Variants in GPC5 observed in about 807,000 individuals in gnomAD.
GPC5 encodes the protein glypican 5.
In GPC5, 47 loss-of-function variants were observed where a neutral mutation model predicts 53.9. That is an observed-to-expected ratio of 0.87 (90% CI 0.69 to 1.11). The LOEUF (loss-of-function observed/expected upper bound fraction) is 1.11, where lower values mean the gene tolerates loss of function less well. Among genes scored for constraint, GPC5 ranks in the 50% most tolerant of loss-of-function variants. The pLI is 0.00. For synonymous variants in GPC5, 286 were observed against 263.3 expected (o/e 1.09, Z -0.84); for missense variants, 748 against 713.1 (o/e 1.05, Z -0.56).
intron 5 of GPC5, among the ~76,000 whole-genome samples, chr13:91,887,271 T>A (rs9589364): frequency 6.6e-6 from 1 of 152,104 alleles, no homozygotes; most frequent in East Asian, 1.9e-4. Flanking sequence ...AAGCCATGGG[T>A]GGAGCGGCTG....
At chr13:91,611,775 A>G (rs9523377) in intron 2 of GPC5, among the ~76,000 whole-genome samples, 74,549 of 152,038 alleles carry the variant, frequency 0.49, 21,974 homozygotes, top group Non-Finnish European at 0.64. Flanking sequence ...TTCCTTGGCA[A>G]TCCTGACACC....
At chr13:91,930,654 G>A (rs1204839720) in intron 6 of GPC5, among the ~76,000 whole-genome samples, 1 of 151,826 alleles carries the variant, frequency 6.6e-6, no homozygotes, top group Non-Finnish European at 1.5e-5. Context: ...GTGAAGGTCG[G>A]GACCATACAG....
chr13:92,204,874 TTTTG>T (rs2042321733), intron 7 of GPC5, among the ~76,000 whole-genome samples: 1 of 151,996 alleles, frequency 6.6e-6, no homozygotes, highest in Non-Finnish European at 1.5e-5. Flanking sequence ...GTTTTTTGGT[TTTTG>T]TTTGTTGTTT....
intron 2 of GPC5, among the ~76,000 whole-genome samples, chr13:91,518,065 A>G (rs1335543938): frequency 6.6e-6 from 1 of 152,248 alleles, no homozygotes; most frequent in Non-Finnish European, 1.5e-5. Context: ...GGATGTAATC[A>G]TTCACACTGT....
chr13:92,791,797 T>G (rs774435176), intron 7 of GPC5, among the ~76,000 whole-genome samples: 2 of 152,126 alleles, frequency 1.3e-5, no homozygotes. Context: ...TATAATTCAA[T>G]GATTTTTGGC....
At chr13:91,673,143 G>T (rs963185462) in intron 2 of GPC5, among the ~76,000 whole-genome samples, 1 of 152,000 alleles carries the variant, frequency 6.6e-6, no homozygotes, top group South Asian at 2.1e-4. Context: ...AACCAGCATG[G>T]CACGCATATA....
chr13:92,310,888 G>GT (rs971697981), intron 7 of GPC5, among the ~76,000 whole-genome samples: 2 of 152,114 alleles, frequency 1.3e-5, no homozygotes, highest in Admixed American at 1.3e-4. Context: ...TAATAAAAAT[G>GT]TTTTTGAAAG....
chr13:92,202,607 G>A (rs904733758), intron 7 of GPC5, among the ~76,000 whole-genome samples: 1 of 152,118 alleles, frequency 6.6e-6, no homozygotes, highest in African/African-American at 2.4e-5. Flanking sequence ...ATAAGAGACG[G>A]TAATCTTTCT....
chr13:91,882,222 T>G (rs146301410), intron 5 of GPC5, among the ~76,000 whole-genome samples: 2 of 152,292 alleles, frequency 1.3e-5, no homozygotes, highest in African/African-American at 4.8e-5. Flanking sequence ...TGTATGGTTT[T>G]TATTTTAAAA....
intron 2 of GPC5, among the ~76,000 whole-genome samples, chr13:91,458,458 T>G (rs1881707163): frequency 6.6e-6 from 1 of 152,124 alleles, no homozygotes; most frequent in Non-Finnish European, 1.5e-5. Flanking sequence ...CTTTCACCAC[T>G]TCTAATCAAT....
intron 7 of GPC5, among the ~76,000 whole-genome samples, chr13:92,368,047 T>C (rs1029280693): frequency 6.6e-6 from 1 of 152,098 alleles, no homozygotes; most frequent in Non-Finnish European, 1.5e-5. Flanking sequence ...TGCAGTGGCA[T>C]GATCTCGGCT....
intron 5 of GPC5, 123 bp downstream of exon 5, chr13:91,756,543 A>T: frequency 2.5e-6 from 2 of 805,516 alleles, no homozygotes; most frequent in Non-Finnish European, 1.8e-6. Flanking sequence ...TTAAATACTT[A>T]TCTTTAGTTT....
intron 6 of GPC5, among the ~76,000 whole-genome samples, chr13:91,970,257 T>A (rs1382356999): frequency 6.6e-6 from 1 of 152,042 alleles, no homozygotes; most frequent in Non-Finnish European, 1.5e-5. Flanking sequence ...AGTCGATTGC[T>A]GATTGCCAGG....
At chr13:92,828,930 C>T (rs1031111167) in intron 7 of GPC5, among the ~76,000 whole-genome samples, 1 of 152,140 alleles carries the variant, frequency 6.6e-6, no homozygotes, top group African/African-American at 2.4e-5. Context: ...AAAGCTTAGA[C>T]TTCGCCACCA....
At chr13:91,653,817 A>C (rs1429181929) in intron 2 of GPC5, among the ~76,000 whole-genome samples, 1 of 152,194 alleles carries the variant, frequency 6.6e-6, no homozygotes, top group Non-Finnish European at 1.5e-5. Context: ...ATTAACATAC[A>C]ATTAACTGCA....
chr13:91,540,770 C>A (rs1016137579), intron 2 of GPC5, among the ~76,000 whole-genome samples: 3 of 151,962 alleles, frequency 2.0e-5, no homozygotes, highest in African/African-American at 7.3e-5. Context: ...ATTTTTGGAA[C>A]TAGATTCCCT....
At chr13:92,628,077 A>T (rs1885103074) in intron 7 of GPC5, among the ~76,000 whole-genome samples, 1 of 152,064 alleles carries the variant, frequency 6.6e-6, no homozygotes, top group Non-Finnish European at 1.5e-5. Context: ...AATTCATTCC[A>T]CACACCCAAC....
chr13:92,030,728 G>A (rs547468250), intron 6 of GPC5, among the ~76,000 whole-genome samples: 1 of 152,272 alleles, frequency 6.6e-6, no homozygotes, highest in East Asian at 1.9e-4. Flanking sequence ...CCCGTCTACT[G>A]GGACAAGTGC....
chr13:92,797,932 T>C (rs919295657), intron 7 of GPC5, among the ~76,000 whole-genome samples: 2 of 151,820 alleles, frequency 1.3e-5, no homozygotes, highest in South Asian at 2.1e-4. Context: ...AGTTCATAGA[T>C]AGATGATAGA....
Sources: gnomAD v4.1 joint callset for allele counts (sites outside exome capture counted in the v4.1 genomes callset) on GRCh38, gnomAD v4.1.1 for gene constraint, MANE v1.5 for transcripts, NCBI Gene and HGNC (gene_info 2026-07-23, HGNC 2026-07-21) for gene names.